The following TUSC3 variants were observed in gnomAD, a reference collection of about 807,000 sequenced individuals.
TUSC3 encodes the protein dolichyl-diphosphooligosaccharide--protein glycosyltransferase subunit TUSC3.
A neutral mutation model predicts 44.8 loss-of-function variants in TUSC3; 45 were observed. The observed-to-expected ratio is 1.00, with a 90% CI of 0.79 to 1.29. The LOEUF is 1.29. Among genes scored for constraint, TUSC3 ranks in the 50% most tolerant of loss-of-function variants. TUSC3 has a pLI of 0.00. For synonymous variants in TUSC3, 212 were observed against 152.9 expected (o/e 1.39, Z -2.85); for missense variants, 519 against 437.9 (o/e 1.19, Z -1.65).
At chr8:15,500,611 T>C (rs998853778) in intron 2 of TUSC3, among the ~76,000 whole-genome samples, 1 of 152,198 alleles carries the variant, frequency 6.6e-6, no homozygotes, top group Non-Finnish European at 1.5e-5. Flanking sequence ...TAGGCACCAG[T>C]TGAACCTGGT....
At chr8:15,463,106 C>T (rs530661869) in intron 1 of TUSC3, among the ~76,000 whole-genome samples, 1 of 151,904 alleles carries the variant, frequency 6.6e-6, no homozygotes, top group South Asian at 2.1e-4. Flanking sequence ...GTCTCTCTCT[C>T]TGTTTTTCTG....
intron 10 of TUSC3, among the ~76,000 whole-genome samples, chr8:15,760,827 G>T (rs1221342344): frequency 6.6e-6 from 1 of 152,180 alleles, no homozygotes; most frequent in Admixed American, 6.6e-5. Flanking sequence ...ACACAGCACT[G>T]AATATGTTCC....
rs1323232446 is a variant in TUSC3, at chr8:15,764,279, A to G, written c.*123A>G. ...ATGAAGATAAACTGTTCCTGACTTTATACTATTTTGAATTCATTCATTTCA... is the reference window on the plus strand; with the variant it reads ...ATGAAGATAAACTGTTCCTGACTTTGTACTATTTTGAATTCATTCATTTCA... On this transcript the variant is annotated 3_prime_UTR_variant, in exon 11 of 11. Coordinates refer to ENST00000503731, the MANE Select transcript of TUSC3 (RefSeq NM_006765.4). 1 of 1,549,262 alleles carries G rather than the reference A, an allele frequency of 6.5e-7. No homozygotes were observed. The highest frequency in any genetic ancestry group is 2.3e-5 in the East Asian group (1 of 44,166).
At chr8:15,750,502 G>C (rs912948194) in intron 9 of TUSC3, among the ~76,000 whole-genome samples, 1 of 151,096 alleles carries the variant, frequency 6.6e-6, no homozygotes, top group Non-Finnish European at 1.5e-5. Context: ...GATAGGAAGA[G>C]TTTAAGTTTG....
intron 2 of TUSC3, among the ~76,000 whole-genome samples, chr8:15,527,010 A>G (rs1448778589): frequency 1.3e-5 from 2 of 152,224 alleles, no homozygotes; most frequent in African/African-American, 4.8e-5. Flanking sequence ...AATTCATAGC[A>G]AAGTACATGA....
At chr8:15,418,885 A>G (rs1277733149) in intron 1 of TUSC3, among the ~76,000 whole-genome samples, 1 of 152,196 alleles carries the variant, frequency 6.6e-6, no homozygotes, top group African/African-American at 2.4e-5. Context: ...ACATGCCTGT[A>G]GTCCTAGCTA....
At chr8:15,761,307 G>C (rs562984064) in intron 10 of TUSC3, among the ~76,000 whole-genome samples, 1 of 152,150 alleles carries the variant, frequency 6.6e-6, no homozygotes, top group Non-Finnish European at 1.5e-5. Context: ...GAGAGAAACG[G>C]TTTGAAGTTT....
At chr8:15,444,723 A>G (rs1382694759) in intron 1 of TUSC3, among the ~76,000 whole-genome samples, 1 of 152,148 alleles carries the variant, frequency 6.6e-6, no homozygotes, top group Non-Finnish European at 1.5e-5. Flanking sequence ...TCTCCCAAGT[A>G]TCGGTTCTCT....
the TUSC3 span, among the ~76,000 whole-genome samples, chr8:15,812,742 C>G: frequency 1.0e-5 from 1 of 97,950 alleles, no homozygotes; most frequent in East Asian, 2.8e-4. Flanking sequence ...ATGCCTTATT[C>G]CATTGATTCC....
chr8:15,499,479 C>T (rs1381474030), intron 2 of TUSC3, among the ~76,000 whole-genome samples: 2 of 152,276 alleles, frequency 1.3e-5, no homozygotes, highest in South Asian at 2.1e-4. Context: ...TGATATCTAT[C>T]ACTACAGAGC....
chr8:15,648,533 T>C (rs1369848893), intron 2 of TUSC3, among the ~76,000 whole-genome samples: 1 of 151,682 alleles, frequency 6.6e-6, no homozygotes, highest in Non-Finnish European at 1.5e-5. Flanking sequence ...GAGACCATCC[T>C]GGCTAAGACG....
intron 1 of TUSC3, among the ~76,000 whole-genome samples, chr8:15,475,337 T>C (rs1425061459): frequency 6.6e-6 from 1 of 152,210 alleles, no homozygotes; most frequent in Non-Finnish European, 1.5e-5. Flanking sequence ...GTTAATTTTC[T>C]ACACTGCATC....
At chr8:15,677,473 G>A (rs953462099) in intron 6 of TUSC3, among the ~76,000 whole-genome samples, 3 of 152,142 alleles carry the variant, frequency 2.0e-5, no homozygotes, top group African/African-American at 7.2e-5. Context: ...AACAGAGCAG[G>A]GTTCTTTTCC....
intron 2 of TUSC3, among the ~76,000 whole-genome samples, chr8:15,516,644 C>T (rs1370328749): frequency 6.6e-6 from 1 of 152,158 alleles, no homozygotes; most frequent in Non-Finnish European, 1.5e-5. Context: ...TTCTCTCTCA[C>T]ATTCACACTA....
the TUSC3 span, among the ~76,000 whole-genome samples, chr8:15,832,542 T>C: frequency 3.3e-5 from 5 of 152,038 alleles, no homozygotes; most frequent in African/African-American, 1.2e-4. Flanking sequence ...GAGACCCATC[T>C]CACATGCAAT....
intron 6 of TUSC3, among the ~76,000 whole-genome samples, chr8:15,699,539 T>C (rs1017309740): frequency 6.6e-6 from 1 of 152,218 alleles, no homozygotes; most frequent in Non-Finnish European, 1.5e-5. Flanking sequence ...TTTTAAAAAA[T>C]GCTGTTTGCT....
intron 1 of TUSC3, among the ~76,000 whole-genome samples, chr8:15,462,285 G>A (rs1419003082): frequency 6.6e-6 from 1 of 152,050 alleles, no homozygotes; most frequent in Non-Finnish European, 1.5e-5. Flanking sequence ...CTTTTATCTA[G>A]AATATATAAA....
intron 6 of TUSC3, among the ~76,000 whole-genome samples, chr8:15,685,375 C>T (rs979677014): frequency 6.6e-6 from 1 of 152,070 alleles, no homozygotes; most frequent in South Asian, 2.1e-4. Context: ...CATCTCTTCT[C>T]TATTGACTTG....
At chr8:15,512,562 C>T (rs1011157272) in intron 2 of TUSC3, among the ~76,000 whole-genome samples, 11 of 152,082 alleles carry the variant, frequency 7.2e-5, no homozygotes, top group Non-Finnish European at 1.5e-4. Context: ...CACTTGAGGT[C>T]AGCAGTTTGA....
Sources: allele counts gnomAD v4.1 joint callset (sites outside exome capture counted in the v4.1 genomes callset), GRCh38; gene constraint gnomAD v4.1.1; transcripts MANE v1.5; gene names NCBI Gene and HGNC (gene_info 2026-07-23, HGNC 2026-07-21).